The following DROSHA variants were observed in gnomAD, a reference collection of about 807,000 sequenced individuals.
DROSHA encodes the protein ribonuclease 3.
Under a neutral mutation model 181.9 loss-of-function variants are expected in DROSHA, and 56 were observed. That is an observed-to-expected ratio of 0.31 (90% CI 0.25 to 0.38). DROSHA has a LOEUF of 0.38. Among genes scored for constraint, DROSHA ranks in the 10% least tolerant of loss-of-function variants. DROSHA has a pLI of 1.00. For synonymous variants in DROSHA, 524 were observed against 591.2 expected (o/e 0.89, Z 1.65); for missense variants, 1,218 against 1,743.5 (o/e 0.70, Z 5.37).
chr5:31,406,817 T>A (rs1740714089), intron 34 of DROSHA, 36 bp downstream of exon 34: 1 of 1,586,110 alleles, frequency 6.3e-7, no homozygotes, highest in African/African-American at 1.3e-5. Flanking sequence ...CACAGGATGT[T>A]CATTCAAAGC....
At chr5:31,473,319 T>C (rs1749967025) in intron 16 of DROSHA, among the ~76,000 whole-genome samples, 3 of 152,210 alleles carry the variant, frequency 2.0e-5, no homozygotes, top group South Asian at 2.1e-4. Context: ...CAAGACTGCA[T>C]GTCTGAGAGA....
chr5:31,431,346 C>T (rs1403551254), intron 26 of DROSHA, among the ~76,000 whole-genome samples: 1 of 125,084 alleles, frequency 8.0e-6, no homozygotes, highest in Non-Finnish European at 1.6e-5. Context: ...ACACCAGACA[C>T]CAATTCAGGC....
Position 31,411,878 on chromosome 5 carries a change from T to G in DROSHA, c.3526-991A>C, listed in dbSNP as rs948912135. On this transcript the variant is annotated intron_variant, in intron 30 of 35. Transcript: ENST00000344624. This position sits in a 1 kb window ranked among gnomAD's most constrained non-coding sequence, Gnocchi z 4.2. The stretch of plus-strand genomic sequence containing the variant: ...CAGAGCTCAAGTGATCCACCCACCT[T>G]GACCTTTCAAAGTGTTGGGATTACA... Among the ~76,000 whole-genome samples, 7 of 152,234 alleles carry G rather than the reference T, an allele frequency of 4.6e-5. No homozygotes were observed. The highest frequency in any genetic ancestry group is 1.7e-4 in the African/African-American group (7 of 41,466).
intron 11 of DROSHA, among the ~76,000 whole-genome samples, chr5:31,500,965 T>C (rs1364844492): frequency 6.6e-6 from 1 of 152,184 alleles, no homozygotes; most frequent in African/African-American, 2.4e-5. Context: ...AGGCAGGTGA[T>C]TCCAATAAAT....
At chr5:31,512,966 G>A (rs1738857877) in intron 8 of DROSHA, among the ~76,000 whole-genome samples, 1 of 152,208 alleles carries the variant, frequency 6.6e-6, no homozygotes, top group South Asian at 2.1e-4. Flanking sequence ...CTGACATCCT[G>A]ATGGAGCCAG....
chr5:31,523,512 T>A (rs1191359555), intron 5 of DROSHA, among the ~76,000 whole-genome samples: 1 of 152,150 alleles, frequency 6.6e-6, no homozygotes, highest in East Asian at 1.9e-4. Context: ...CTCCTCTAAT[T>A]ATAGCATATC....
In DROSHA at chr5:31,455,457, T is replaced by C. The variant is rs78792864; in HGVS notation, c.2575-3817A>G. ...ACAAGAAAAAGAAAATTTCCTGAGA[T>C]AAAAGACAACTTGAAAGTATATACT... On this transcript the variant is annotated intron_variant, in intron 20 of 35. Coordinates refer to ENST00000344624, the MANE Select transcript of DROSHA (RefSeq NM_001382508.1). 8.8e-3 allele frequency among the ~76,000 whole-genome samples: 1,341 copies of C among 151,912 alleles called. 26 individuals carry two copies. The highest frequency in any genetic ancestry group is 0.031 in the African/African-American group (1,266 of 41,430).
At chr5:31,486,730 T>C in intron 13 of DROSHA, 168 bp from the exon 14 acceptor site, 1 of 562,074 alleles carries the variant, frequency 1.8e-6, no homozygotes, top group South Asian at 2.5e-5. Flanking sequence ...TGCTGGATTT[T>C]AATGACAAGA....
At chr5:31,436,059 G>A (rs1242280898) in intron 24 of DROSHA, among the ~76,000 whole-genome samples, 195 bp from the exon 25 acceptor site, 2 of 152,174 alleles carry the variant, frequency 1.3e-5, no homozygotes, top group Non-Finnish European at 2.9e-5. Flanking sequence ...AACCCAGACA[G>A]CACCATTCAC....
At chr5:31,478,997 A>G (rs1254242559) in intron 16 of DROSHA, among the ~76,000 whole-genome samples, 1 of 152,234 alleles carries the variant, frequency 6.6e-6, no homozygotes, top group East Asian at 1.9e-4. Context: ...ATGGGGAAAC[A>G]ATGGAGAACT....
At chr5:31,410,211 A>C (rs575997202) in intron 31 of DROSHA, among the ~76,000 whole-genome samples, 1 of 152,210 alleles carries the variant, frequency 6.6e-6, no homozygotes, top group Admixed American at 6.5e-5. Context: ...ACTTATTTTG[A>C]AGTAATACAA....
chr5:31,441,768 G>A (rs977193514), intron 23 of DROSHA, among the ~76,000 whole-genome samples: 1 of 152,150 alleles, frequency 6.6e-6, no homozygotes, highest in African/African-American at 2.4e-5. Context: ...GAAAGAAATA[G>A]TGAGTTTTAA....
chr5:31,496,509 T>C (rs989214945), intron 11 of DROSHA, among the ~76,000 whole-genome samples: 4 of 152,178 alleles, frequency 2.6e-5, no homozygotes, highest in Non-Finnish European at 5.9e-5. Context: ...CCCAGTCCCA[T>C]GGAGGTGGCA....
intron 25 of DROSHA, among the ~76,000 whole-genome samples, chr5:31,434,323 T>C (rs1744540873): frequency 6.6e-6 from 1 of 152,236 alleles, no homozygotes; most frequent in African/African-American, 2.4e-5. Context: ...GACTACCTAC[T>C]TATTAATATG....
At chr5:31,454,812 C>T (rs1010949897) in intron 20 of DROSHA, among the ~76,000 whole-genome samples, 4 of 151,542 alleles carry the variant, frequency 2.6e-5, no homozygotes, top group Non-Finnish European at 5.9e-5. Context: ...TGGTGATGGG[C>T]GCCTGTAGTC....
intron 9 of DROSHA, among the ~76,000 whole-genome samples, chr5:31,509,693 T>C (rs561034435): frequency 6.6e-6 from 1 of 152,308 alleles, no homozygotes; most frequent in East Asian, 1.9e-4. Context: ...ACATTTCTTT[T>C]CCCTCAATAA....
intron 27 of DROSHA, among the ~76,000 whole-genome samples, chr5:31,427,892 T>C (rs759780682): frequency 4.6e-5 from 7 of 152,208 alleles, no homozygotes; most frequent in Non-Finnish European, 2.9e-5. Context: ...TGTCCAAGTT[T>C]GTGTACTTCA....
At chr5:31,410,176 AG>A (rs1378180239) in intron 31 of DROSHA, among the ~76,000 whole-genome samples, 2 of 152,208 alleles carry the variant, frequency 1.3e-5, no homozygotes, top group African/African-American at 4.8e-5. Flanking sequence ...TTAAAAAAAA[AG>A]TTCTAAGGCT....
chr5:31,472,378 C>T (rs1749837056), intron 16 of DROSHA, 146 bp from the exon 17 acceptor site: 1 of 939,428 alleles, frequency 1.1e-6, no homozygotes, highest in African/African-American at 1.7e-5. Context: ...ACTGTTTAAC[C>T]AGGTGCCAAA....
Sources: gnomAD v4.1 joint callset for allele counts (sites outside exome capture counted in the v4.1 genomes callset) on GRCh38, gnomAD v4.1.1 for gene constraint, Gnocchi (gnomAD v3.1) non-coding constraint, MANE v1.5 for transcripts, NCBI Gene and HGNC (gene_info 2026-07-23, HGNC 2026-07-21) for gene names.